TCF7L1: variants seen among roughly 807,000 people sequenced by gnomAD.
TCF7L1 encodes the protein transcription factor 7-like 1.
In TCF7L1, 18 loss-of-function variants were observed where a neutral mutation model predicts 63.7. That is an observed-to-expected ratio of 0.28 (90% confidence interval 0.20 to 0.42). The LOEUF (loss-of-function observed/expected upper bound fraction) is 0.42. Among genes scored for constraint, TCF7L1 ranks in the 10% least tolerant of loss-of-function variants. TCF7L1 has a pLI of 1.00. For missense variants in TCF7L1, 654 were observed against 779.3 expected, an observed-to-expected ratio of 0.84 and a Z score of 1.91; for synonymous variants, 355 against 340.9, an observed-to-expected ratio of 1.04 and a Z score of -0.46.
intron 3 of TCF7L1, among the ~76,000 whole-genome samples, chr2:85,281,328 T>G (rs551145247): frequency 6.6e-6 from 1 of 152,244 alleles, no homozygotes; most frequent in East Asian, 1.9e-4. Context: ...CCGGCCTAGC[T>G]CCTTTTAAAA....
At chr2:85,287,682 T>C (rs934907863) in intron 4 of TCF7L1, among the ~76,000 whole-genome samples, 5 of 152,138 alleles carry the variant, frequency 3.3e-5, no homozygotes, top group African/African-American at 1.2e-4. Flanking sequence ...TTAAGGAACA[T>C]TTATGGGAGA....
chr2:85,238,776 ATTTTATTT>A (rs1405323755), intron 3 of TCF7L1, among the ~76,000 whole-genome samples: 30 of 138,846 alleles, frequency 2.2e-4, no homozygotes, highest in African/African-American at 7.7e-4. Flanking sequence ...CTTTTGGAGC[ATTTTATTT>A]ATTTATTTAT....
At position 85,303,909 on chromosome 2, in the gene TCF7L1, C is replaced by T. The variant is rs201140591; in HGVS notation, c.673C>T (p.Pro225Ser). Reference sequence around the variant, plus strand: ...TTTGGAAGCAGGAATCCCCCGGCCCCCTCACCCATCCGAGCTGTCACCGTA... The same window carrying T: ...TTTGGAAGCAGGAATCCCCCGGCCCTCTCACCCATCCGAGCTGTCACCGTA... Reference protein sequence around the residue: ...IDPKTGIPRPPHPSELSPYYP... With the variant: ...IDPKTGIPRPSHPSELSPYYP... The change falls in exon 6 of 12, where the codon CCT (proline) becomes TCT (serine). Residue 225 changes from proline (P) to serine (S), a missense_variant. Physicochemically the swap from Pro to Ser is moderately conservative, Grantham distance 74. Coordinates refer to ENST00000282111, the MANE Select transcript of TCF7L1 (RefSeq NM_031283.3). 21 of 1,612,878 alleles carry T rather than the reference C, an allele frequency of 1.3e-5. No individual in the cohort carries two copies. The African/African-American group carries it at 1.7e-4, about 13-fold the overall frequency.
At chr2:85,276,007 C>T (rs1175154080) in intron 3 of TCF7L1, among the ~76,000 whole-genome samples, 2 of 151,448 alleles carry the variant, frequency 1.3e-5, no homozygotes, top group Non-Finnish European at 2.9e-5. Flanking sequence ...GTGCCATCCA[C>T]AAAGTTAAGC....
intron 3 of TCF7L1, among the ~76,000 whole-genome samples, chr2:85,216,833 C>T (rs902165766): frequency 6.6e-6 from 1 of 152,136 alleles, no homozygotes; most frequent in Non-Finnish European, 1.5e-5. Flanking sequence ...AAAATGTCAC[C>T]TGAAATACCT....
intron 3 of TCF7L1, among the ~76,000 whole-genome samples, chr2:85,257,492 C>G (rs1573013111): frequency 6.6e-6 from 1 of 152,156 alleles, no homozygotes; most frequent in South Asian, 2.1e-4. Context: ...TGGGGCTTCC[C>G]CACCCAAGTT....
At chr2:85,238,549 C>T (rs1680248313) in intron 3 of TCF7L1, among the ~76,000 whole-genome samples, 1 of 152,184 alleles carries the variant, frequency 6.6e-6, no homozygotes, top group Non-Finnish European at 1.5e-5. Context: ...TTATGGATTG[C>T]CTTCTGCCTC....
intron 3 of TCF7L1, among the ~76,000 whole-genome samples, chr2:85,277,827 G>A (rs72934643): frequency 0.011 from 1,654 of 152,280 alleles, 28 homozygotes; most frequent in African/African-American, 0.038. Flanking sequence ...CTGCTTAAAG[G>A]CTTTTCTGTG....
chr2:85,255,970 C>G (rs1402776702), intron 3 of TCF7L1, among the ~76,000 whole-genome samples: 2 of 152,186 alleles, frequency 1.3e-5, no homozygotes, highest in African/African-American at 4.8e-5. Context: ...GGATGTTAAT[C>G]TGCAGCCCCT....
chr2:85,254,726 A>G (rs1482325088), intron 3 of TCF7L1, among the ~76,000 whole-genome samples: 22 of 152,190 alleles, frequency 1.4e-4, no homozygotes, highest in African/African-American at 2.4e-5. Flanking sequence ...AGCCTCGCCA[A>G]TCTGCACTGA....
chr2:85,164,390 G>A (rs1678366548), intron 3 of TCF7L1, among the ~76,000 whole-genome samples: 1 of 152,200 alleles, frequency 6.6e-6, no homozygotes, highest in Admixed American at 6.5e-5. Flanking sequence ...GGGGTCAGGG[G>A]CAGTGTTAAA....
intron 3 of TCF7L1, among the ~76,000 whole-genome samples, chr2:85,232,513 A>T (rs1344473438): frequency 1.3e-5 from 2 of 152,166 alleles, no homozygotes; most frequent in African/African-American, 4.8e-5. Flanking sequence ...CGTCTGTCTC[A>T]TTCCGCCAAG....
chr2:85,262,155 G>A lies in TCF7L1; in HGVS notation c.442-21340G>A, dbSNP rs1270644305. ...TCCGCATCATCTAATAACAAGGTTC[G>A]TATACTCATTAAAACCAATGATACA... On this transcript the variant is annotated intron_variant, in intron 3 of 11. Transcript: ENST00000282111. 1.6e-5 allele frequency: 9 copies of A among 546,520 alleles called. 1 individual carries two copies. The highest frequency in any genetic ancestry group is 6.9e-5 in the South Asian group (5 of 72,544). 33.9% of individuals were successfully genotyped at this position (546,520 alleles called of 1,614,324 possible).
intron 3 of TCF7L1, among the ~76,000 whole-genome samples, chr2:85,235,212 A>C (rs1372005038): frequency 1.3e-5 from 2 of 152,102 alleles, no homozygotes; most frequent in African/African-American, 4.8e-5. Flanking sequence ...AAAGCAAGGA[A>C]ATGGCTGTCA....
chr2:85,207,121 T>TA (rs1177375126), intron 3 of TCF7L1, among the ~76,000 whole-genome samples: 2 of 152,252 alleles, frequency 1.3e-5, no homozygotes, highest in Admixed American at 1.3e-4. Flanking sequence ...TTGATTTTAG[T>TA]ACTCTTTTAT....
At chr2:85,148,150 G>A (rs1264263754) in intron 3 of TCF7L1, among the ~76,000 whole-genome samples, 1 of 152,112 alleles carries the variant, frequency 6.6e-6, no homozygotes, top group Admixed American at 6.5e-5. Context: ...AAGCTTTGGA[G>A]TGGAAAATGG....
chr2:85,180,035 A>G (rs575105684), intron 3 of TCF7L1, among the ~76,000 whole-genome samples: 1 of 152,106 alleles, frequency 6.6e-6, no homozygotes, highest in Admixed American at 6.5e-5. Flanking sequence ...GTAGGGTGTC[A>G]CTGCCCAGGA....
In TCF7L1 at chr2:85,306,626, T is replaced by C. The variant is rs968126779; in HGVS notation, c.1257+67T>C. On this transcript the variant is annotated intron_variant, in intron 10 of 11. Coordinates refer to ENST00000282111, the MANE Select transcript of TCF7L1 (RefSeq NM_031283.3). This position sits in a 1 kb window ranked among gnomAD's most constrained non-coding sequence, Gnocchi z 4.3. The stretch of plus-strand genomic sequence containing the variant: ...ACAGCCTCTGCAAGAGGAGGAAGGG[T>C]GAAGGAAAGCAACTGCATTTATTTT... 4.6e-5 allele frequency: 58 copies of C among 1,264,084 alleles called. No homozygotes were observed. The Admixed American group carries it at 1.0e-3, about 23-fold the overall frequency. The allele number at this position is 1,264,084 out of a possible 1,614,324, so 78.3% of individuals were successfully genotyped here. A position where few individuals can be genotyped will look rare whatever the true frequency, so the allele number is the denominator to read the frequency against.
In TCF7L1 at chr2:85,227,302, T is replaced by C. The variant is rs115148969; in HGVS notation, c.442-56193T>C. ...GAACTCAACTAAAGGAGCCTCCCTCTCCCTCAGGCCTTGGCGACCTGTTCT... is the reference window on the plus strand; with the variant it reads ...GAACTCAACTAAAGGAGCCTCCCTCCCCCTCAGGCCTTGGCGACCTGTTCT... On this transcript the variant is annotated intron_variant, in intron 3 of 11. Transcript: ENST00000282111. Among the ~76,000 whole-genome samples the C allele has an allele frequency of 9.9e-3, 1,504 of 152,252 alleles. 24 individuals are homozygous for C. The highest frequency in any genetic ancestry group is 0.034 in the African/African-American group (1,421 of 41,550).
Sources: allele counts gnomAD v4.1 joint callset (sites outside exome capture counted in the v4.1 genomes callset), GRCh38; gene constraint gnomAD v4.1.1; non-coding constraint Gnocchi (gnomAD v3.1); transcripts MANE v1.5; gene names NCBI Gene and HGNC (gene_info 2026-07-23, HGNC 2026-07-21).